The following AAK1 variants were observed in gnomAD, a reference collection of about 807,000 sequenced individuals.
The protein encoded by AAK1 is AP2 associated kinase 1, also known as AP2-associated protein kinase 1.
AAK1 carries 37 observed loss-of-function variants against 116.0 expected under a neutral mutation model. That is an observed-to-expected ratio of 0.32 (90% CI 0.25 to 0.42). The LOEUF (loss-of-function observed/expected upper bound fraction) is 0.42. Among genes scored for constraint, AAK1 ranks in the 10% least tolerant of loss-of-function variants. The probability of loss-of-function intolerance (pLI) is 1.00; values close to 1 mark genes in which losing one functional copy is unlikely to be tolerated. For missense variants in AAK1, 919 were observed against 1,170.6 expected (o/e 0.79, Z 3.14); for synonymous variants, 458 against 439.9 (o/e 1.04, Z -0.51).
intron 17 of AAK1, among the ~76,000 whole-genome samples, chr2:69,491,239 G>A (rs1675510279): frequency 6.6e-6 from 1 of 152,054 alleles, no homozygotes. Flanking sequence ...GCCTGGCCCA[G>A]CCTCTTTTCT....
At chr2:69,572,311 T>A (rs79223132) in intron 2 of AAK1, among the ~76,000 whole-genome samples, 3,566 of 152,326 alleles carry the variant, frequency 0.023, 140 homozygotes, top group African/African-American at 0.081. Context: ...TTGTTCACCA[T>A]GGTTGTTTGC....
At chr2:69,605,928 C>G (rs139955964) in intron 2 of AAK1, among the ~76,000 whole-genome samples, 1 of 152,240 alleles carries the variant, frequency 6.6e-6, no homozygotes, top group Non-Finnish European at 1.5e-5. Flanking sequence ...CTGTGGCATT[C>G]AAGGCCTTCA....
At chr2:69,591,004 C>G (rs968249625) in intron 2 of AAK1, among the ~76,000 whole-genome samples, 1 of 152,012 alleles carries the variant, frequency 6.6e-6, no homozygotes, top group Non-Finnish European at 1.5e-5. Context: ...AAGTTTTTTG[C>G]GAACAGATTT....
chr2:69,529,754 T>C (rs1670174833), intron 8 of AAK1, among the ~76,000 whole-genome samples: 1 of 152,304 alleles, frequency 6.6e-6, no homozygotes, highest in East Asian at 1.9e-4. Context: ...ATAGAAGCAC[T>C]ATACTGCTCC....
chr2:69,527,432 A>C, intron 8 of AAK1, 113 bp from the exon 9 acceptor site: 1 of 723,762 alleles, frequency 1.4e-6, no homozygotes, highest in Non-Finnish European at 2.4e-6. Flanking sequence ...TTTATTTTTC[A>C]TAGAAGTCAG....
At chr2:69,524,143 T>C (rs535522064) in intron 10 of AAK1, among the ~76,000 whole-genome samples, 73 of 152,336 alleles carry the variant, frequency 4.8e-4, no homozygotes, top group Non-Finnish European at 7.5e-4. Flanking sequence ...TGCATTTTCC[T>C]AATGTGGTTG....
intron 2 of AAK1, among the ~76,000 whole-genome samples, chr2:69,610,300 C>T (rs1674021875): frequency 6.6e-6 from 1 of 151,942 alleles, no homozygotes; most frequent in South Asian, 2.1e-4. Flanking sequence ...AACTGGATAC[C>T]CACATGCAAA....
At chr2:69,511,549 T>C (rs1020714372) in intron 13 of AAK1, among the ~76,000 whole-genome samples, 5 of 152,170 alleles carry the variant, frequency 3.3e-5, no homozygotes, top group South Asian at 2.1e-4. Context: ...CTACCACACA[T>C]AGGGGTCAGA....
intron 16 of AAK1, among the ~76,000 whole-genome samples, chr2:69,501,918 C>CAGAT (rs755589348): frequency 8.5e-5 from 13 of 152,104 alleles, no homozygotes; most frequent in Non-Finnish European, 1.8e-4. Context: ...TTGCAGTGAA[C>CAGAT]AGATATCCCA....
intron 2 of AAK1, among the ~76,000 whole-genome samples, chr2:69,628,012 A>T (rs1674985665): frequency 6.6e-6 from 1 of 152,208 alleles, no homozygotes; most frequent in Admixed American, 6.5e-5. Context: ...TCTAATTATT[A>T]ACACTGATTT....
At chr2:69,495,548 G>A (rs1675704616) in intron 17 of AAK1, among the ~76,000 whole-genome samples, 1 of 152,038 alleles carries the variant, frequency 6.6e-6, no homozygotes, top group South Asian at 2.1e-4. Context: ...AAAATAAAAA[G>A]GCATTATAGA....
chr2:69,597,026 T>C (rs1018774997), intron 2 of AAK1, among the ~76,000 whole-genome samples: 2 of 152,062 alleles, frequency 1.3e-5, no homozygotes, highest in Non-Finnish European at 2.9e-5. Context: ...TTGGGTCTTT[T>C]TTTTTTTCTG....
intron 1 of AAK1, 50 bp from the exon 2 acceptor site, chr2:69,643,324 A>G (rs1675834153): frequency 7.5e-7 from 1 of 1,329,832 alleles, no homozygotes; most frequent in Admixed American, 3.6e-5. Flanking sequence ...CACGCTTAAA[A>G]ATTCAACCGC....
chr2:69,475,850 A>C lies in AAK1; in HGVS notation c.*19T>G, dbSNP rs368780544. 1.7e-5 allele frequency: 27 copies of C among 1,606,930 alleles called. No individual in the cohort carries two copies. The highest frequency in any genetic ancestry group is 2.5e-6 in the Non-Finnish European group (3 of 1,176,530). ...TACGGTATGAAGGTTACAGAACTGC[A>C]TCTGCTACTGGGTCACGGCTACAGG... On this transcript the variant is annotated 3_prime_UTR_variant, in exon 22 of 22. Transcript: ENST00000409085.
intron 2 of AAK1, among the ~76,000 whole-genome samples, chr2:69,603,748 T>C (rs1673680444): frequency 6.6e-6 from 1 of 152,098 alleles, no homozygotes; most frequent in Non-Finnish European, 1.5e-5. Context: ...AAAATCATCA[T>C]CATCATCATC....
In AAK1 at chr2:69,520,866, C is replaced by G; in HGVS notation, c.1178G>C (p.Arg393Thr). Residue 393 changes from arginine to threonine, a missense_variant, in exon 11 of 22, where the codon AGG becomes ACG. Around this residue, in one of 4 missense-constraint regions of AAK1, gnomAD observed 214 missense variants for 210.6 expected, o/e 1.02. Transcript: ENST00000409085. ...PIQPALTPRKRATVQPPPQAA... is the reference protein window; with the variant it reads ...PIQPALTPRKTATVQPPPQAA... ...CTGAGGTGGGGGCTGAACAGTGGCCCTCTTCCGGGGTGTCAGCGCTGGCTG... is the reference window on the plus strand; with the variant it reads ...CTGAGGTGGGGGCTGAACAGTGGCCGTCTTCCGGGGTGTCAGCGCTGGCTG... 6.3e-7 allele frequency: 1 copy of G among 1,584,636 alleles called. No homozygotes were observed. Among genetic ancestry groups the G allele is most frequent in the Non-Finnish European group, 8.6e-7 (1 of 1,167,964 alleles).
chr2:69,479,920 T>C (rs1163899185), intron 19 of AAK1, among the ~76,000 whole-genome samples: 1 of 152,044 alleles, frequency 6.6e-6, no homozygotes, highest in Non-Finnish European at 1.5e-5. Flanking sequence ...CACAACCGGC[T>C]AATTTTGTAT....
At chr2:69,556,716 T>C in intron 3 of AAK1, 144 bp downstream of exon 3, 1 of 635,470 alleles carries the variant, frequency 1.6e-6, no homozygotes, top group Non-Finnish European at 2.8e-6. Flanking sequence ...CGGTGTCCTA[T>C]ATCCCATGGC....
rs1674434415 is a variant in AAK1, at chr2:69,464,754, C to G, written c.*11115G>C. ...AGACATGAGGAGTTAGCCCATCTGC[C>G]TGTATCTCTACACAGGCTCTGACGT... is the stretch of plus-strand genomic sequence containing the variant. On this transcript the variant is annotated 3_prime_UTR_variant, in exon 22 of 22. Transcript: ENST00000409085. 1 of 152,616 alleles carries G rather than the reference C, an allele frequency of 6.6e-6. No homozygotes were observed. The highest frequency in any genetic ancestry group is 2.1e-4 in the South Asian group (1 of 4,838). The allele number at this position is 152,616 out of a possible 1,614,324, so 9.5% of individuals were successfully genotyped here.
Sources: gnomAD v4.1 joint callset for allele counts (sites outside exome capture counted in the v4.1 genomes callset) on GRCh38, gnomAD v4.1.1 for gene constraint, gnomAD v4.1.1 regional missense constraint, MANE v1.5 for transcripts, NCBI Gene and HGNC (gene_info 2026-07-23, HGNC 2026-07-21) for gene names.